The following PTPN14 variants were observed in gnomAD, a reference collection of about 807,000 sequenced individuals.
The protein encoded by PTPN14 is tyrosine-protein phosphatase non-receptor type 14.
PTPN14 carries 53 observed loss-of-function variants against 126.8 expected under a neutral mutation model. That is an observed-to-expected ratio of 0.42 (90% confidence interval 0.34 to 0.53). PTPN14 has a LOEUF of 0.53. Ranked by LOEUF, PTPN14 falls within the 20% of genes least tolerant of loss-of-function variation. PTPN14 has a pLI of 0.08. For synonymous variants in PTPN14, 630 were observed against 599.3 expected (o/e 1.05, Z -0.75); for missense variants, 1,257 against 1,552.9 (o/e 0.81, Z 3.20).
At chr1:214,414,289 C>G (rs1489508731) in intron 4 of PTPN14, among the ~76,000 whole-genome samples, 1 of 152,170 alleles carries the variant, frequency 6.6e-6, no homozygotes, top group Non-Finnish European at 1.5e-5. Flanking sequence ...CAGCATCAAG[C>G]TACAGAATAT....
intron 3 of PTPN14, among the ~76,000 whole-genome samples, chr1:214,435,724 A>C (rs1300428085): frequency 6.6e-6 from 1 of 152,216 alleles, no homozygotes; most frequent in Non-Finnish European, 1.5e-5. Flanking sequence ...ATCAGTCAGA[A>C]TGGCTATTAT....
chr1:214,380,254 C>G (rs1054738703), intron 13 of PTPN14, among the ~76,000 whole-genome samples: 2 of 152,128 alleles, frequency 1.3e-5, no homozygotes, highest in African/African-American at 4.8e-5. Context: ...TCTCAGCAGT[C>G]CTGCTTTCTT....
Position 214,353,173 on chromosome 1 carries a change from G to A in PTPN14, c.*4749C>T, listed in dbSNP as rs942368272. 6.6e-6 allele frequency: 1 copy of A among 152,008 alleles called. No homozygotes were observed. The highest frequency in any genetic ancestry group is 1.5e-5 in the Non-Finnish European group (1 of 67,998). The allele number at this position is 152,008 out of a possible 1,614,324, so 9.4% of individuals were successfully genotyped here. On this transcript the variant is annotated 3_prime_UTR_variant, in exon 19 of 19. Transcript: ENST00000366956. Reference sequence around the variant, plus strand: ...GAAATAGTTGTCCTTTACCAAAGGGGGCAATCAAGGACCCTCTGAGAATAC... The same window carrying A: ...GAAATAGTTGTCCTTTACCAAAGGGAGCAATCAAGGACCCTCTGAGAATAC...
intron 1 of PTPN14, 124 bp from the exon 2 acceptor site, chr1:214,465,081 G>C (rs1036585445): frequency 5.0e-6 from 2 of 400,428 alleles, no homozygotes; most frequent in African/African-American, 4.1e-5. Flanking sequence ...ACTCAGGTTT[G>C]ATAAGCTGCA....
chr1:214,491,002 A>G (rs1330757264), intron 1 of PTPN14, among the ~76,000 whole-genome samples: 5 of 142,896 alleles, frequency 3.5e-5, no homozygotes, highest in African/African-American at 5.2e-5. Context: ...GAAGGAAAGG[A>G]AAGAAAGGAA....
intron 3 of PTPN14, among the ~76,000 whole-genome samples, chr1:214,448,326 G>A (rs1362199344): frequency 6.6e-6 from 1 of 152,040 alleles, no homozygotes; most frequent in Non-Finnish European, 1.5e-5. Flanking sequence ...CGCCTCCCAG[G>A]TTCACGCCAT....
chr1:214,517,703 C>T (rs1655144346), intron 1 of PTPN14, among the ~76,000 whole-genome samples: 1 of 152,024 alleles, frequency 6.6e-6, no homozygotes. Flanking sequence ...GCTTTATATC[C>T]ATGATCTGAG....
chr1:214,390,084 T>C (rs896641811), intron 11 of PTPN14, among the ~76,000 whole-genome samples: 1 of 152,252 alleles, frequency 6.6e-6, no homozygotes, highest in African/African-American at 2.4e-5. Flanking sequence ...AGACATGCTA[T>C]AGTGTATACA....
In PTPN14 at chr1:214,355,472, G is replaced by C. The variant is rs898843404; in HGVS notation, c.*2450C>G. 1 of 152,148 alleles carries C rather than the reference G, an allele frequency of 6.6e-6. No individual in the cohort carries two copies. Among genetic ancestry groups the C allele is most frequent in the African/African-American group, 2.4e-5 (1 of 41,448 alleles). 9.4% of individuals were successfully genotyped at this position (152,148 alleles called of 1,614,324 possible). A position where few individuals can be genotyped will look rare whatever the true frequency, so the allele number is the denominator to read the frequency against. On this transcript the variant is annotated 3_prime_UTR_variant, in exon 19 of 19. Transcript: ENST00000366956. ...AAGGAAAGGAAACAAGTATCTTTTT[G>C]CTTATTGATGAGCTTCTTATAATAA...
intron 1 of PTPN14, among the ~76,000 whole-genome samples, chr1:214,477,752 G>A (rs911414489): frequency 6.6e-6 from 1 of 152,112 alleles, no homozygotes; most frequent in African/African-American, 2.4e-5. Flanking sequence ...GCAAAAGTCA[G>A]GTGCTTCAGT....
intron 1 of PTPN14, among the ~76,000 whole-genome samples, chr1:214,506,957 T>C (rs1334425576): frequency 6.6e-6 from 1 of 151,792 alleles, no homozygotes; most frequent in African/African-American, 2.4e-5. Flanking sequence ...CCACTTTATA[T>C]TGTCTCTACA....
chr1:214,512,131 C>T (rs1226821142), intron 1 of PTPN14, among the ~76,000 whole-genome samples: 3 of 152,118 alleles, frequency 2.0e-5, no homozygotes, highest in Non-Finnish European at 4.4e-5. Context: ...TGCCCACACC[C>T]CCAACCATCT....
chr1:214,389,575 C>A (rs969531062), intron 11 of PTPN14, among the ~76,000 whole-genome samples: 21 of 152,030 alleles, frequency 1.4e-4, no homozygotes, highest in African/African-American at 5.1e-4. Context: ...ATGGTTTAAA[C>A]CTAAAGGACA....
intron 2 of PTPN14, among the ~76,000 whole-genome samples, chr1:214,461,887 T>C (rs1191147138): frequency 6.6e-6 from 1 of 152,190 alleles, no homozygotes; most frequent in African/African-American, 2.4e-5. Flanking sequence ...TCGGCTCTAT[T>C]TGAAAAATGA....
At chr1:214,513,904 G>GTTA (rs1655038212) in intron 1 of PTPN14, among the ~76,000 whole-genome samples, 1 of 152,056 alleles carries the variant, frequency 6.6e-6, no homozygotes, top group South Asian at 2.1e-4. Flanking sequence ...TGGTTGCTGT[G>GTTA]TTATTACTCT....
chr1:214,530,213 T>C (rs1655504998), intron 1 of PTPN14: 1 of 151,158 alleles, frequency 6.6e-6, no homozygotes, highest in African/African-American at 2.5e-5. Flanking sequence ...AAGGAGAAAG[T>C]ATTAGGGAGT....
At chr1:214,390,038 CT>C (rs1267755740) in intron 11 of PTPN14, among the ~76,000 whole-genome samples, 1 of 152,162 alleles carries the variant, frequency 6.6e-6, no homozygotes, top group African/African-American at 2.4e-5. Context: ...AGGAAATAAA[CT>C]TTTCTCAAAA....
rs960932297 is a variant in PTPN14, at chr1:214,378,076, G to T, written c.2571C>A (p.Gly857=). The change falls in exon 14 of 19, where the codon GGC becomes GGA. Residue 857 remains glycine (G), a synonymous_variant. Coordinates refer to ENST00000366956, the MANE Select transcript of PTPN14 (RefSeq NM_005401.5). Reference sequence around the variant, plus strand: ...TCAGCGGCCTCTTCTGTGCCTCCAGGCCTGCCATCTTCTGCTTCTCTAGAT... The same window carrying T: ...TCAGCGGCCTCTTCTGTGCCTCCAGTCCTGCCATCTTCTGCTTCTCTAGAT... ...IRNLEKQKMA[G]LEAQKRPLML... The T allele has an allele frequency of 6.2e-7, 1 of 1,610,662 alleles. No homozygotes were observed. Among genetic ancestry groups the T allele is most frequent in the Admixed American group, 1.7e-5 (1 of 59,666 alleles).
At chr1:214,532,765 T>C (rs1655586627) in intron 1 of PTPN14, 2 of 814,750 alleles carry the variant, frequency 2.5e-6, no homozygotes, top group South Asian at 2.7e-5. Flanking sequence ...CAATGTCACT[T>C]GGCCACAGCT....
Sources: allele counts gnomAD v4.1 joint callset (sites outside exome capture counted in the v4.1 genomes callset), GRCh38; gene constraint gnomAD v4.1.1; transcripts MANE v1.5; gene names NCBI Gene and HGNC (gene_info 2026-07-23, HGNC 2026-07-21).